The following NCOA6 variants were observed in gnomAD, a reference collection of about 807,000 sequenced individuals.
The protein encoded by NCOA6 is nuclear receptor coactivator 6, also known as NRC RAP250.
Under a neutral mutation model 171.4 loss-of-function variants are expected in NCOA6, and 49 were observed. The ratio of observed to expected loss-of-function variants is 0.29; its 90% CI spans 0.23 to 0.36. The LOEUF (loss-of-function observed/expected upper bound fraction) is 0.36. Among genes scored for constraint, NCOA6 ranks in the 10% least tolerant of loss-of-function variants. NCOA6 has a pLI of 1.00. For synonymous variants in NCOA6, 910 were observed against 927.5 expected (o/e 0.98, Z 0.34); for missense variants, 2,248 against 2,554.5 (o/e 0.88, Z 2.59).
chr20:34,810,721 A>C (rs1021706382), intron 1 of NCOA6, among the ~76,000 whole-genome samples: 1 of 152,016 alleles, frequency 6.6e-6, no homozygotes, highest in Non-Finnish European at 1.5e-5. Context: ...ATGCCCAGCT[A>C]ATTTTTTTGT....
intron 10 of NCOA6, among the ~76,000 whole-genome samples, chr20:34,745,811 A>G: frequency 6.6e-6 from 1 of 152,180 alleles, no homozygotes; most frequent in East Asian, 1.9e-4. Flanking sequence ...GTATAGAGAT[A>G]TTGTGGCAGC....
intron 14 of NCOA6, among the ~76,000 whole-genome samples, chr20:34,720,260 T>C (rs1355519704): frequency 1.3e-5 from 2 of 152,254 alleles, no homozygotes; most frequent in Non-Finnish European, 2.9e-5. Flanking sequence ...GGAAAACTAC[T>C]CATTTGCATG....
intron 8 of NCOA6, among the ~76,000 whole-genome samples, chr20:34,750,991 T>C (rs1417476520): frequency 2.0e-5 from 3 of 151,732 alleles, no homozygotes; most frequent in Non-Finnish European, 4.4e-5. Flanking sequence ...TCCAGCCTGG[T>C]GACAGAGTGA....
intron 5 of NCOA6, among the ~76,000 whole-genome samples, chr20:34,764,987 T>G (rs7347519): frequency 8.5e-4 from 129 of 152,064 alleles, no homozygotes; most frequent in African/African-American, 3.0e-3. Context: ...CTGGGCATAG[T>G]GGCACCTGCC....
At chr20:34,732,841 C>A (rs991957868) in intron 12 of NCOA6, 5 of 341,176 alleles carry the variant, frequency 1.5e-5, no homozygotes, top group Non-Finnish European at 2.7e-5. Flanking sequence ...ATTAATAGAA[C>A]TAAGTTCACC....
chr20:34,820,082 A>T (rs1393280576), intron 1 of NCOA6: 1 of 152,272 alleles, frequency 6.6e-6, no homozygotes, highest in African/African-American at 2.4e-5. Flanking sequence ...TGAAAACAAC[A>T]GTAGGTATTC....
At chr20:34,768,415 CA>C in intron 5 of NCOA6, 48 bp downstream of exon 5, 2 of 1,606,622 alleles carry the variant, frequency 1.2e-6, no homozygotes, top group Middle Eastern at 1.7e-4. Flanking sequence ...TCAAATAAGC[CA>C]AAAAAGGAAA....
intron 1 of NCOA6, among the ~76,000 whole-genome samples, chr20:34,824,826 C>T (rs1363314781): frequency 6.6e-6 from 1 of 152,098 alleles, no homozygotes; most frequent in African/African-American, 2.4e-5. Flanking sequence ...CCCCAGTACC[C>T]CAAGGACTGC....
At chr20:34,786,078 T>A (rs1307700060) in intron 2 of NCOA6, among the ~76,000 whole-genome samples, 4 of 152,202 alleles carry the variant, frequency 2.6e-5, no homozygotes, top group Admixed American at 2.6e-4. Flanking sequence ...GCTGAGAGTG[T>A]ATGTGTCCAG....
At chr20:34,729,214 G>C (rs1288779050) in intron 13 of NCOA6, among the ~76,000 whole-genome samples, 1 of 152,198 alleles carries the variant, frequency 6.6e-6, no homozygotes, top group Admixed American at 6.5e-5. Flanking sequence ...GCCTCCCAAA[G>C]TGCTGGGATT....
intron 14 of NCOA6, among the ~76,000 whole-genome samples, chr20:34,722,091 A>C (rs1432333940): frequency 7.1e-6 from 1 of 140,110 alleles, no homozygotes; most frequent in Admixed American, 7.4e-5. Flanking sequence ...AAAGCAAAAG[A>C]AAAAGCCGGC....
At position 34,723,472 on chromosome 20, in the gene NCOA6, T is replaced by C. The variant is rs34282475; in HGVS notation, c.6148+3787A>G. 8.8e-3 allele frequency among the ~76,000 whole-genome samples: 1,336 copies of C among 152,342 alleles called. 6 individuals carry two copies. The highest frequency in any genetic ancestry group is 0.031 in the Middle Eastern group (9 of 294). On this transcript the variant is annotated intron_variant, in intron 14 of 14. Coordinates refer to ENST00000359003, the MANE Select transcript of NCOA6 (RefSeq NM_014071.5). ...GAATGATGGCCTGAGGTCTTGCGAC[T>C]GATGCGGATATCTATACATGACTGT...
chr20:34,767,622 C>G (rs2077019416), intron 5 of NCOA6, among the ~76,000 whole-genome samples: 1 of 152,136 alleles, frequency 6.6e-6, no homozygotes, highest in South Asian at 2.1e-4. Context: ...AAATTGAGCT[C>G]CTCTATACTG....
chr20:34,721,238 CAAAAAAAAAAAAAAA>C (rs10531679), intron 14 of NCOA6, among the ~76,000 whole-genome samples: 3 of 66,042 alleles, frequency 4.5e-5, no homozygotes, highest in African/African-American at 1.3e-4. Context: ...TTCCTCTATA[CAAAAAAAAAAAAAAA>C]AAAAAAAAAA....
chr20:34,754,751 A>G lies in NCOA6; in HGVS notation c.1646T>C (p.Leu549Pro), dbSNP rs181512456. ...TTPGNSGAPQ[L>P]QANQNVQHAG... ...ATGCTGGACATTTTGATTTGCTTGCAGCTGAGGGGCTCCTGAATTCCCAGG... is the reference window on the plus strand; with the variant it reads ...ATGCTGGACATTTTGATTTGCTTGCGGCTGAGGGGCTCCTGAATTCCCAGG... Residue 549 changes from leucine (L) to proline (P), a missense_variant, in exon 8 of 15, where the codon CTG becomes CCG. Physicochemically the swap from Leu to Pro is moderately conservative, Grantham distance 98 (BLOSUM62 -3). Coordinates refer to ENST00000359003, the MANE Select transcript of NCOA6 (RefSeq NM_014071.5). 30 of 1,614,212 alleles carry G rather than the reference A, an allele frequency of 1.9e-5. No individual in the cohort carries two copies. Among genetic ancestry groups the G allele is most frequent in the South Asian group, 1.6e-4 (15 of 91,086 alleles).
At chr20:34,803,186 G>T (rs1407795219) in intron 1 of NCOA6, among the ~76,000 whole-genome samples, 1 of 152,138 alleles carries the variant, frequency 6.6e-6, no homozygotes, top group Non-Finnish European at 1.5e-5. Flanking sequence ...AAGAAAAACA[G>T]GTCAGGCATG....
chr20:34,731,975 C>T (rs774574566), intron 13 of NCOA6, among the ~76,000 whole-genome samples: 1 of 152,190 alleles, frequency 6.6e-6, no homozygotes, highest in Admixed American at 6.5e-5. Context: ...GTGCCGAGAT[C>T]GTGCAACTGC....
Position 34,776,449 on chromosome 20 carries a change from C to G in NCOA6, c.236-1G>C. 6.2e-7 allele frequency: 1 copy of G among 1,613,184 alleles called. No individual in the cohort carries two copies. The highest frequency in any genetic ancestry group is 8.5e-7 in the Non-Finnish European group (1 of 1,179,734). ...TTCTGTACTTTTAGCTTGCTGGACT[C>G]TTGATTGTGAAAGAAAAAGAATTAT... On this transcript the variant is annotated splice_acceptor_variant, in intron 3 of 14. Transcript: ENST00000359003. LOFTEE classifies it high-confidence loss of function.
intron 11 of NCOA6, chr20:34,739,067 A>C: frequency 2.4e-6 from 1 of 424,364 alleles, no homozygotes. Flanking sequence ...GAGGAGGAAC[A>C]TGTCAGGGAA....
Sources: gnomAD v4.1 joint callset for allele counts (sites outside exome capture counted in the v4.1 genomes callset) on GRCh38, gnomAD v4.1.1 for gene constraint, MANE v1.5 for transcripts, NCBI Gene and HGNC (gene_info 2026-07-23, HGNC 2026-07-21) for gene names.